The following KCNT1 variants were observed in gnomAD, a reference collection of about 807,000 sequenced individuals.
KCNT1 encodes potassium channel subfamily T member 1.
In KCNT1, 78 loss-of-function variants were observed where a neutral mutation model predicts 147.8. The observed-to-expected ratio is 0.53, with a 90% confidence interval of 0.44 to 0.64. The LOEUF (loss-of-function observed/expected upper bound fraction) is 0.64, where lower values mean the gene tolerates loss of function less well. KCNT1 is among the 30% of genes least tolerant of loss of function. The probability of loss-of-function intolerance (pLI) is 0.00; values close to 1 mark genes in which losing one functional copy is unlikely to be tolerated. For synonymous variants in KCNT1, 867 were observed against 748.8 expected, an observed-to-expected ratio of 1.16 and a Z score of -2.58; for missense variants, 1,419 against 1,750.3, an observed-to-expected ratio of 0.81 and a Z score of 3.38.
intron 24 of KCNT1, among the ~76,000 whole-genome samples, chr9:135,782,827 A>T (rs573104600): frequency 3.9e-5 from 6 of 152,146 alleles, no homozygotes; most frequent in Admixed American, 6.5e-5. Flanking sequence ...GCAAACTCAC[A>T]CGCCCATCGC....
intron 29 of KCNT1, 120 bp downstream of exon 29, chr9:135,786,641 T>A: frequency 1.0e-6 from 1 of 986,732 alleles, no homozygotes; most frequent in Admixed American, 3.2e-5. Context: ...CTGTCATCTG[T>A]CTGTCTGTCA....
chr9:135,729,954 G>GT, intron 2 of KCNT1, among the ~76,000 whole-genome samples: 1 of 152,170 alleles, frequency 6.6e-6, no homozygotes. Context: ...TGTTCCCTCT[G>GT]TGGCTCTTGG....
Position 135,757,262 on chromosome 9 carries a change from C to T in KCNT1, c.675+32C>T, listed in dbSNP as rs370245768. ...GAGCCCCAGCTGCCAGGAGTGCGGGCCCTGGAGCCCCAGCCCTGACCTGTC... is the reference window on the plus strand; with the variant it reads ...GAGCCCCAGCTGCCAGGAGTGCGGGTCCTGGAGCCCCAGCCCTGACCTGTC... On this transcript the variant is annotated intron_variant, in intron 8 of 30. Coordinates refer to ENST00000371757, the MANE Select transcript of KCNT1 (RefSeq NM_020822.3). 2.4e-5 allele frequency: 39 copies of T among 1,611,780 alleles called. No individual in the cohort carries two copies. The African/African-American group carries it at 4.7e-4, about 19-fold the overall frequency.
intron 2 of KCNT1, among the ~76,000 whole-genome samples, chr9:135,738,410 G>A (rs1350651922): frequency 6.6e-6 from 1 of 152,226 alleles, no homozygotes; most frequent in Non-Finnish European, 1.5e-5. Flanking sequence ...CTCCTGAGCA[G>A]AGGACTTGGT....
At chr9:135,751,390 AG>A (rs1831158577) in intron 4 of KCNT1, among the ~76,000 whole-genome samples, 1 of 151,918 alleles carries the variant, frequency 6.6e-6, no homozygotes, top group African/African-American at 2.4e-5. Flanking sequence ...AGGTCAGGGA[AG>A]GGGGCGCCCA....
chr9:135,775,354 C>T lies in KCNT1; in HGVS notation c.2288C>T (p.Ser763Phe), dbSNP rs750558862. 2 of 1,610,794 alleles carry T rather than the reference C, an allele frequency of 1.2e-6. No homozygotes were observed. The highest frequency in any genetic ancestry group is 1.7e-6 in the Non-Finnish European group (2 of 1,178,468). The change falls in exon 20 of 31, where the codon TCC becomes TTC. Residue 763 changes from serine to phenylalanine, a missense_variant. Around this residue, in one of 5 missense-constraint regions of KCNT1, gnomAD observed 247 missense variants for 397.1 expected, o/e 0.62. Coordinates refer to ENST00000371757, the MANE Select transcript of KCNT1 (RefSeq NM_020822.3). ...CCCAACTCGCCCTACATCGGCAGCTCCCCAACCCTGTGCCACCTCCTGCCT... is the reference window on the plus strand; with the variant it reads ...CCCAACTCGCCCTACATCGGCAGCTTCCCAACCCTGTGCCACCTCCTGCCT... ...YPPNSPYIGS[S>F]PTLCHLLPVK...
intron 26 of KCNT1, 64 bp from the exon 27 acceptor site, chr9:135,784,697 C>T (rs565996197): frequency 2.9e-5 from 46 of 1,608,262 alleles, no homozygotes; most frequent in South Asian, 1.8e-4. Flanking sequence ...CCCTGATTCA[C>T]GGTGGCCAGG....
intron 2 of KCNT1, among the ~76,000 whole-genome samples, chr9:135,740,190 C>T (rs967044995): frequency 2.6e-5 from 4 of 152,184 alleles, no homozygotes; most frequent in South Asian, 2.1e-4. Flanking sequence ...AACATAGCCA[C>T]GTGCTGAGAT....
chr9:135,784,954 C>T (rs1833926565), intron 27 of KCNT1, 65 bp downstream of exon 27: 11 of 1,572,500 alleles, frequency 7.0e-6, no homozygotes, highest in Non-Finnish European at 9.5e-6. Context: ...ACAGCATCCC[C>T]ACCTTCCGGG....
rs1179052822 is a variant in KCNT1 at position 135,750,147 on chromosome 9, A to G, written c.304A>G (p.Lys102Glu). 4 of 1,613,562 alleles carry G rather than the reference A, an allele frequency of 2.5e-6. No individual in the cohort carries two copies. The highest frequency in any genetic ancestry group is 3.4e-6 in the Non-Finnish European group (4 of 1,179,946). Reference sequence around the variant, plus strand: ...CGAGAACACCTTCAAGGAGCGGCTCAAGCTGTTCTTCATCAAAAACCAAAG... The same window carrying G: ...CGAGAACACCTTCAAGGAGCGGCTCGAGCTGTTCTTCATCAAAAACCAAAG... ...VNENTFKERL[K>E]LFFIKNQRSS... The change falls in exon 3 of 31, where the codon AAG becomes GAG. Residue 102 changes from lysine (K) to glutamate (E), a missense_variant. Transcript: ENST00000371757.
At chr9:135,744,585 GGCCTCGGGGA>G (rs1229022384) in intron 2 of KCNT1, among the ~76,000 whole-genome samples, 11 of 152,244 alleles carry the variant, frequency 7.2e-5, no homozygotes, top group African/African-American at 2.4e-4. Context: ...GGCAAGCGTG[GGCCTCGGGGA>G]GCCTCGGGGG....
At chr9:135,777,275 G>T in intron 20 of KCNT1, 63 bp from the exon 21 acceptor site, 5 of 1,543,532 alleles carry the variant, frequency 3.2e-6, no homozygotes, top group Non-Finnish European at 4.4e-6. Context: ...GTCTGGGAGG[G>T]CTCCAGTGGC....
chr9:135,720,725 C>T (rs1835892112), intron 2 of KCNT1, among the ~76,000 whole-genome samples: 1 of 152,242 alleles, frequency 6.6e-6, no homozygotes, highest in Non-Finnish European at 1.5e-5. Context: ...GCCCGGGAGC[C>T]AGCCCCAGCT....
intron 4 of KCNT1, chr9:135,753,676 C>G (rs2131421919): frequency 1.8e-6 from 1 of 566,178 alleles, no homozygotes; most frequent in South Asian, 2.2e-5. Flanking sequence ...TGGGATGTAC[C>G]CTCGCTGTCT....
Position 135,793,960 on chromosome 9 carries a change from G to T in KCNT1, c.*1799G>T, listed in dbSNP as rs62584780. 0.13 allele frequency: 19,670 copies of T among 152,166 alleles called. 1,510 individuals carry two copies. The highest frequency in any genetic ancestry group is 0.18 in the South Asian group (856 of 4,832). The allele number at this position is 152,166 out of a possible 1,614,324, so 9.4% of individuals were successfully genotyped here. ...CCCTGCCCCGCAGTCACCCCGCCCCGCAGTCGCCCTGCAGCTGGAAGGCCC... is the reference window on the plus strand; with the variant it reads ...CCCTGCCCCGCAGTCACCCCGCCCCTCAGTCGCCCTGCAGCTGGAAGGCCC... On this transcript the variant is annotated 3_prime_UTR_variant, in exon 31 of 31. Transcript: ENST00000371757.
At position 135,756,925 on chromosome 9, in the gene KCNT1, G is replaced by C. The variant is rs1229138685; in HGVS notation, c.593G>C (p.Ser198Thr). Residue 198 changes from serine to threonine, a missense_variant, in exon 7 of 31, where the codon AGC (serine) becomes ACC (threonine). By Grantham distance (58) the Ser-to-Thr change is moderately conservative (BLOSUM62 1). Transcript: ENST00000371757. Reference protein sequence around the residue: ...FLETMLLIYLSYKGNIWEQIF... With the variant: ...FLETMLLIYLTYKGNIWEQIF... ...GAGACGATGCTTCTCATCTACCTCA[G>C]CTACAAAGTGAGTGCCTGCCCGGGA... 7.4e-6 allele frequency: 12 copies of C among 1,612,702 alleles called. No homozygotes were observed. The highest frequency in any genetic ancestry group is 1.7e-5 in the Admixed American group (1 of 59,976).
intron 13 of KCNT1, chr9:135,766,639 G>C (rs1832309206): frequency 6.5e-6 from 1 of 152,918 alleles, no homozygotes; most frequent in Non-Finnish European, 1.5e-5. Context: ...TGGACCCTCT[G>C]GGGTGGATTG....
Position 135,784,016 on chromosome 9 carries a change from T to A in KCNT1, c.2842-8T>A. On this transcript the variant is annotated splice_region_variant and splice_polypyrimidine_tract_variant and intron_variant, in intron 24 of 30. Coordinates refer to ENST00000371757, the MANE Select transcript of KCNT1 (RefSeq NM_020822.3). Reference sequence around the variant, plus strand: ...ACCAGCCCATCTGAGGCCCCTCCTTTCCCACAGAGGGAGCGAGAGAATGGC... The same window carrying A: ...ACCAGCCCATCTGAGGCCCCTCCTTACCCACAGAGGGAGCGAGAGAATGGC... 1 of 1,605,776 alleles carries A rather than the reference T, an allele frequency of 6.2e-7. No homozygotes were observed. Among genetic ancestry groups the A allele is most frequent in the Non-Finnish European group, 8.5e-7 (1 of 1,179,344 alleles).
At chr9:135,770,124 T>A in intron 16 of KCNT1, 69 bp downstream of exon 16, 1 of 1,445,626 alleles carries the variant, frequency 6.9e-7, no homozygotes, top group South Asian at 1.3e-5. Flanking sequence ...ACGCAGGGCC[T>A]GCTTGGGGGC....
Sources: gnomAD v4.1 joint callset for allele counts (sites outside exome capture counted in the v4.1 genomes callset) on GRCh38, gnomAD v4.1.1 for gene constraint, gnomAD v4.1.1 regional missense constraint, MANE v1.5 for transcripts, NCBI Gene and HGNC (gene_info 2026-07-23, HGNC 2026-07-21) for gene names.